MBNL2: variants seen among roughly 807,000 people sequenced by gnomAD.
MBNL2 encodes the protein muscleblind-like protein 2.
Under a neutral mutation model 41.9 loss-of-function variants are expected in MBNL2, and 17 were observed. The ratio of observed to expected loss-of-function variants is 0.41; its 90% CI spans 0.28 to 0.61. The LOEUF is 0.61. MBNL2 is among the 20% of genes least tolerant of loss of function. The pLI is 0.35. For missense variants in MBNL2, 336 were observed against 505.6 expected, an observed-to-expected ratio of 0.66 and a Z score of 3.22; for synonymous variants, 195 against 182.9, an observed-to-expected ratio of 1.07 and a Z score of -0.53.
intron 2 of MBNL2, among the ~76,000 whole-genome samples, chr13:97,292,131 G>A (rs1039493921): frequency 2.0e-5 from 3 of 148,796 alleles, no homozygotes; most frequent in African/African-American, 7.5e-5. Flanking sequence ...AACCCGGGAC[G>A]CGGAGCTTGA....
At chr13:97,174,203 G>C in the MBNL2 span, among the ~76,000 whole-genome samples, 1 of 152,162 alleles carries the variant, frequency 6.6e-6, no homozygotes, top group Non-Finnish European at 1.5e-5. Context: ...AAGCTGGTGG[G>C]TGGGCAGCTG....
chr13:97,147,616 G>A, the MBNL2 span, among the ~76,000 whole-genome samples: 4 of 152,070 alleles, frequency 2.6e-5, no homozygotes, highest in Non-Finnish European at 5.9e-5. Flanking sequence ...AAATATAATA[G>A]AGCCAATGAA....
the MBNL2 span, among the ~76,000 whole-genome samples, chr13:97,191,918 C>T: frequency 3.9e-5 from 6 of 152,164 alleles, no homozygotes; most frequent in South Asian, 2.1e-4. Context: ...ACCCATGCAT[C>T]GAACATGCCT....
intron 1 of MBNL2, among the ~76,000 whole-genome samples, chr13:97,264,531 A>G (rs1305096390): frequency 6.6e-6 from 1 of 152,194 alleles, no homozygotes; most frequent in Admixed American, 6.5e-5. Context: ...TTTAAAATAC[A>G]TATTATTTAT....
upstream of MBNL2, among the ~76,000 whole-genome samples, chr13:97,220,432 G>T (rs2040756445): frequency 1.3e-5 from 2 of 152,120 alleles, no homozygotes; most frequent in Admixed American, 1.3e-4. Flanking sequence ...GGTAAGCTGA[G>T]GTCTAAAGAT....
chr13:97,233,136 T>C (rs2042658611), intron 1 of MBNL2, among the ~76,000 whole-genome samples: 1 of 69,426 alleles, frequency 1.4e-5, no homozygotes, highest in African/African-American at 5.9e-5. Context: ...CATATATATA[T>C]ATATATATAT....
chr13:97,202,868 T>C, the MBNL2 span, among the ~76,000 whole-genome samples: 1 of 152,210 alleles, frequency 6.6e-6, no homozygotes, highest in South Asian at 2.1e-4. Flanking sequence ...GGCTGGACAG[T>C]GGCTGGGTTT....
chr13:97,352,804 A>G (rs2062621208), intron 5 of MBNL2, among the ~76,000 whole-genome samples: 1 of 152,222 alleles, frequency 6.6e-6, no homozygotes, highest in African/African-American at 2.4e-5. Flanking sequence ...AACACAACAT[A>G]TCAAAGTACT....
At chr13:97,375,432 AGT>A (rs1491353559) in intron 8 of MBNL2, among the ~76,000 whole-genome samples, 1 of 152,220 alleles carries the variant, frequency 6.6e-6, no homozygotes, top group Non-Finnish European at 1.5e-5. Flanking sequence ...TCATCCCTGA[AGT>A]GTCATAGGTC....
At chr13:97,228,100 T>A (rs1003303328) in intron 1 of MBNL2, among the ~76,000 whole-genome samples, 2 of 152,158 alleles carry the variant, frequency 1.3e-5, no homozygotes, top group Non-Finnish European at 2.9e-5. Context: ...TTCAAGGGCA[T>A]GTGTTAGAAA....
the MBNL2 span, among the ~76,000 whole-genome samples, chr13:97,143,884 C>T: frequency 1.3e-5 from 2 of 152,206 alleles, no homozygotes; most frequent in South Asian, 2.1e-4. Context: ...TGCTCTGTCA[C>T]CCAGGCTGGA....
At chr13:97,357,303 C>T (rs1230982029) in intron 6 of MBNL2, among the ~76,000 whole-genome samples, 179 bp from the exon 7 acceptor site, 3 of 152,094 alleles carry the variant, frequency 2.0e-5, no homozygotes, top group Admixed American at 1.3e-4. Flanking sequence ...ATCATGCTTT[C>T]GCTCTCAATA....
At chr13:97,349,176 G>A (rs941069998) in intron 5 of MBNL2, among the ~76,000 whole-genome samples, 1 of 127,128 alleles carries the variant, frequency 7.9e-6, no homozygotes, top group African/African-American at 4.5e-5. Flanking sequence ...TCCTATATAT[G>A]TGGAGATGTA....
the MBNL2 span, among the ~76,000 whole-genome samples, chr13:97,187,627 G>C: frequency 0.016 from 1,655 of 103,192 alleles, 13 homozygotes; most frequent in Non-Finnish European, 0.027. Flanking sequence ...AAAAAAAGAG[G>C]CCGGGCGCGG....
intron 7 of MBNL2, among the ~76,000 whole-genome samples, chr13:97,358,122 A>C (rs2063132026): frequency 3.3e-5 from 5 of 152,188 alleles, no homozygotes; most frequent in Admixed American, 2.6e-4. Flanking sequence ...CATCCTTCTC[A>C]ACTTTCACCA....
chr13:97,361,104 G>A (rs1464713020), intron 7 of MBNL2, among the ~76,000 whole-genome samples: 1 of 152,182 alleles, frequency 6.6e-6, no homozygotes, highest in African/African-American at 2.4e-5. Flanking sequence ...ATAAAGAGGT[G>A]AAAACCAAAT....
rs889563285 is a variant in MBNL2 at position 97,389,272 on chromosome 13, T to C, written c.1049-2050T>C. Reference sequence around the variant, plus strand: ...AACTTCCATAACCCACGTTTGCCCATTCTAATTTGCCATTGCTATGCTTTT... The same window carrying C: ...AACTTCCATAACCCACGTTTGCCCACTCTAATTTGCCATTGCTATGCTTTT... On this transcript the variant is annotated intron_variant, in intron 8 of 8. Transcript: ENST00000679496. Among the ~76,000 whole-genome samples, 23 of 152,242 alleles carry C rather than the reference T, an allele frequency of 1.5e-4. 1 individual carries two copies. Among genetic ancestry groups the C allele is most frequent in the African/African-American group, 5.5e-4 (23 of 41,466 alleles).
intron 2 of MBNL2, among the ~76,000 whole-genome samples, chr13:97,332,167 G>A (rs1462341577): frequency 6.6e-6 from 1 of 152,108 alleles, no homozygotes; most frequent in African/African-American, 2.4e-5. Flanking sequence ...AGCCTTTCTG[G>A]GTGTCAGCTT....
intron 1 of MBNL2, among the ~76,000 whole-genome samples, chr13:97,259,422 G>T (rs898719876): frequency 2.0e-5 from 3 of 152,136 alleles, no homozygotes; most frequent in Non-Finnish European, 1.5e-5. Context: ...TCCTCAAGGC[G>T]CTGAGTGCTA....
Sources: allele counts gnomAD v4.1 joint callset (sites outside exome capture counted in the v4.1 genomes callset), GRCh38; gene constraint gnomAD v4.1.1; transcripts MANE v1.5; gene names NCBI Gene and HGNC (gene_info 2026-07-23, HGNC 2026-07-21).